The following SMIM21 variants were observed in gnomAD, a reference collection of about 807,000 sequenced individuals.
The protein encoded by SMIM21 is small integral membrane protein 21, also known as chromosome 18 open reading frame 62.
A neutral mutation model predicts 8.6 loss-of-function variants in SMIM21; 8 were observed. The observed-to-expected ratio is 0.93, with a 90% CI of 0.55 to 1.68. The LOEUF (loss-of-function observed/expected upper bound fraction) is 1.68, where lower values mean the gene tolerates loss of function less well. Ranked by LOEUF, SMIM21 falls within the 40% of genes most tolerant of loss-of-function variation. The pLI, the probability that SMIM21 is intolerant of heterozygous loss-of-function variation, is 0.00. For synonymous variants in SMIM21, 43 were observed against 41.7 expected (o/e 1.03, Z -0.12); for missense variants, 132 against 123.0 (o/e 1.07, Z -0.35).
chr18:75,426,291 ATTTG>A (rs199926696), intron 1 of SMIM21, among the ~76,000 whole-genome samples: 11,016 of 111,764 alleles, frequency 0.099, 467 homozygotes, highest in African/African-American at 0.12. Flanking sequence ...TTATTTATTT[ATTTG>A]TTTGTTTGTT....
intron 2 of SMIM21, among the ~76,000 whole-genome samples, chr18:75,412,887 C>T (rs533097516): frequency 2.5e-3 from 384 of 152,272 alleles, no homozygotes; most frequent in African/African-American, 8.0e-3. Flanking sequence ...CATTGCTGTT[C>T]GTTGTACCTT....
chr18:75,425,972 G>A (rs2024756943), intron 1 of SMIM21, among the ~76,000 whole-genome samples: 1 of 152,110 alleles, frequency 6.6e-6, no homozygotes, highest in African/African-American at 2.4e-5. Flanking sequence ...CAGCTGCCCT[G>A]AAATGTTTGA....
chr18:75,425,769 T>G (rs111485598), intron 1 of SMIM21, among the ~76,000 whole-genome samples: 87 of 152,310 alleles, frequency 5.7e-4, no homozygotes, highest in African/African-American at 2.0e-3. Context: ...TTATTCAGAT[T>G]ATATGTAAGT....
chr18:75,427,694 TCTGGGTATTATTTTATGAAG>T, exon 1 of SMIM21: 1 of 904,786 alleles, frequency 1.1e-6, no homozygotes, highest in Non-Finnish European at 1.6e-6. Flanking sequence ...ACCTTGAAGA[TCTGGGTATTATTTTATGAAG>T]CTGGATGGAA....
At chr18:75,413,795 A>G (rs2024608191) in intron 2 of SMIM21, among the ~76,000 whole-genome samples, 1 of 152,164 alleles carries the variant, frequency 6.6e-6, no homozygotes, top group African/African-American at 2.4e-5. Flanking sequence ...CCTTCTTGTA[A>G]GTCTCATGAG....
chr18:75,422,654 A>C (rs1794879828), intron 1 of SMIM21, among the ~76,000 whole-genome samples: 1 of 152,226 alleles, frequency 6.6e-6, no homozygotes, highest in East Asian at 1.9e-4. Flanking sequence ...GAAGGTAGAC[A>C]CATGCTGCAA....
chr18:75,415,204 G>A (rs187978993), intron 2 of SMIM21, among the ~76,000 whole-genome samples: 9 of 152,314 alleles, frequency 5.9e-5, no homozygotes, highest in African/African-American at 1.9e-4. Flanking sequence ...AGTCTCCATG[G>A]AAGCACCAAG....
At position 75,427,656 on chromosome 18, in the gene SMIM21, T is replaced by G; in HGVS notation, c.-93A>C. On this transcript the variant is annotated 5_prime_UTR_variant, in exon 1 of 3. Coordinates refer to ENST00000579022, the MANE Select transcript of SMIM21 (RefSeq NM_001037331.3). ...GTGCTATAAGACCTGGTAACTAAGTTCCCAAGGAGCTTTTCTCTTCTTTGC... is the reference window on the plus strand; with the variant it reads ...GTGCTATAAGACCTGGTAACTAAGTGCCCAAGGAGCTTTTCTCTTCTTTGC... 1 of 1,355,064 alleles carries G rather than the reference T, an allele frequency of 7.4e-7. No individual in the cohort carries two copies. The highest frequency in any genetic ancestry group is 9.7e-7 in the Non-Finnish European group (1 of 1,031,632). The allele number at this position is 1,355,064 out of a possible 1,614,324, so 83.9% of individuals were successfully genotyped here. A position where few individuals can be genotyped will look rare whatever the true frequency, so the allele number is the denominator to read the frequency against.
rs568245753 is a variant in SMIM21, at chr18:75,409,598, T to A, written c.*1266A>T. ...TCACGTGTGATGCAGCGCAATGGGA[T>A]CTGGACATGAATGTGGGAGATGAAA... On this transcript the variant is annotated 3_prime_UTR_variant, in exon 3 of 3. Transcript: ENST00000579022. 6.6e-6 allele frequency: 1 copy of A among 152,380 alleles called. No homozygotes were observed. The highest frequency in any genetic ancestry group is 1.9e-4 in the East Asian group (1 of 5,186). 9.4% of individuals were successfully genotyped at this position (152,380 alleles called of 1,614,324 possible).
At chr18:75,410,963 A>G in intron 2 of SMIM21, 54 bp from the exon 3 acceptor site, 1 of 1,586,852 alleles carries the variant, frequency 6.3e-7, no homozygotes, top group South Asian at 1.1e-5. Context: ...AGATATAATC[A>G]AAATATTACA....
chr18:75,423,131 C>CA (rs1192569844), intron 1 of SMIM21, among the ~76,000 whole-genome samples: 1 of 152,162 alleles, frequency 6.6e-6, no homozygotes, highest in Non-Finnish European at 1.5e-5. Context: ...ACTTTTCTTG[C>CA]AAATCCCCTG....
At chr18:75,424,067 C>A (rs1353119906) in intron 1 of SMIM21, among the ~76,000 whole-genome samples, 1 of 152,126 alleles carries the variant, frequency 6.6e-6, no homozygotes, top group Non-Finnish European at 1.5e-5. Flanking sequence ...CTTCTTCATT[C>A]AACAATACAA....
intron 2 of SMIM21, among the ~76,000 whole-genome samples, chr18:75,414,320 CTATT>C: frequency 6.6e-6 from 1 of 152,166 alleles, no homozygotes; most frequent in Non-Finnish European, 1.5e-5. Context: ...AGTTACTCCT[CTATT>C]TATTGTGCAC....
chr18:75,413,098 C>A (rs943473105), intron 2 of SMIM21, among the ~76,000 whole-genome samples: 1 of 152,010 alleles, frequency 6.6e-6, no homozygotes, highest in African/African-American at 2.4e-5. Flanking sequence ...GGCTCCAGGC[C>A]TCCACGCTGA....
chr18:75,426,732 C>G (rs1159244880), intron 1 of SMIM21, among the ~76,000 whole-genome samples: 1 of 150,094 alleles, frequency 6.7e-6, no homozygotes, highest in Non-Finnish European at 1.5e-5. Flanking sequence ...GAAGGAGATG[C>G]TACCTGCCTG....
chr18:75,412,116 C>T (rs1019950455), intron 2 of SMIM21, among the ~76,000 whole-genome samples: 3 of 152,324 alleles, frequency 2.0e-5, no homozygotes, highest in African/African-American at 7.2e-5. Context: ...TCCCCCAAGG[C>T]TTCCTGAGCT....
At position 75,427,478 on chromosome 18, in the gene SMIM21, C is replaced by G. The variant is rs772454203; in HGVS notation, c.86G>C (p.Arg29Pro). ...TFKQDSAGMG[R>P]IFKGNLLQKK... The stretch of plus-strand genomic sequence containing the variant: ...CTGCAGCAAATTCCCCTTGAATATC[C>G]GTCCCATTCCTGCAGAGTCTTGTTT... The change falls in exon 1 of 3, where the codon CGG becomes CCG. Residue 29 changes from arginine (R) to proline (P), a missense_variant. By Grantham distance (103) the Arg-to-Pro change is moderately radical. Transcript: ENST00000579022. 1.2e-6 allele frequency: 2 copies of G among 1,613,932 alleles called. No individual in the cohort carries two copies. The highest frequency in any genetic ancestry group is 1.7e-6 in the Non-Finnish European group (2 of 1,179,986).
intron 1 of SMIM21, among the ~76,000 whole-genome samples, chr18:75,426,394 C>T (rs1232001604): frequency 6.6e-6 from 1 of 152,092 alleles, no homozygotes; most frequent in African/African-American, 2.4e-5. Flanking sequence ...ACTGCAAGCT[C>T]TGCCTCCCGG....
In SMIM21 at chr18:75,427,417, A is replaced by G; in HGVS notation, c.129+18T>C. On this transcript the variant is annotated intron_variant, in intron 1 of 2. Transcript: ENST00000579022. ...TACGTCTCTCTCATAACCCAAAGTTAAAGACCCATAAACTCACTGTGGTAA... is the reference window on the plus strand; with the variant it reads ...TACGTCTCTCTCATAACCCAAAGTTGAAGACCCATAAACTCACTGTGGTAA... The G allele has an allele frequency of 6.2e-7, 1 of 1,611,630 alleles. No homozygotes were observed. The highest frequency in any genetic ancestry group is 8.5e-7 in the Non-Finnish European group (1 of 1,178,678).
Sources: allele counts gnomAD v4.1 joint callset (sites outside exome capture counted in the v4.1 genomes callset), GRCh38; gene constraint gnomAD v4.1.1; transcripts MANE v1.5; gene names NCBI Gene and HGNC (gene_info 2026-07-23, HGNC 2026-07-21).